STK39: variants seen among roughly 807,000 people sequenced by gnomAD.
STK39 encodes STE20/SPS1-related proline-alanine-rich protein kinase.
A neutral mutation model predicts 77.8 loss-of-function variants in STK39; 20 were observed. That is an observed-to-expected ratio of 0.26 (90% CI 0.18 to 0.37). The LOEUF is 0.37. Ranked by LOEUF, STK39 falls within the 10% of genes least tolerant of loss-of-function variation. The pLI is 1.00. For synonymous variants in STK39, 246 were observed against 234.1 expected (o/e 1.05, Z -0.47); for missense variants, 479 against 656.5 (o/e 0.73, Z 2.95).
At position 168,247,474 on chromosome 2, in the gene STK39, G is replaced by A. The variant is rs750144605; in HGVS notation, c.-39C>T. 7.7e-6 allele frequency: 10 copies of A among 1,292,028 alleles called. No individual in the cohort carries two copies. Among genetic ancestry groups the A allele is most frequent in the East Asian group, 3.8e-5 (1 of 26,032 alleles). 80.0% of individuals were successfully genotyped at this position (1,292,028 alleles called of 1,614,324 possible). On this transcript the variant is annotated 5_prime_UTR_variant, in exon 1 of 18. Transcript: ENST00000355999. ...AGAGCAGGAGGACGCGCCGGCCGAC[G>A]GACGACCTTCCACTTGAAACTTCCT...
intron 8 of STK39, among the ~76,000 whole-genome samples, chr2:168,131,502 A>G (rs894996106): frequency 3.9e-5 from 6 of 152,218 alleles, no homozygotes; most frequent in African/African-American, 1.4e-4. Flanking sequence ...AAGCATAGAA[A>G]GAATTAGAAA....
At chr2:168,187,793 T>A (rs901774753) in intron 1 of STK39, among the ~76,000 whole-genome samples, 2 of 152,302 alleles carry the variant, frequency 1.3e-5, no homozygotes, top group Admixed American at 1.3e-4. Flanking sequence ...ATCTAGTACT[T>A]TTTTTAAAAA....
At chr2:167,959,344 C>T (rs1270384902) in intron 17 of STK39, among the ~76,000 whole-genome samples, 1 of 151,232 alleles carries the variant, frequency 6.6e-6, no homozygotes, top group East Asian at 1.9e-4. Context: ...CCAGGATGGT[C>T]TCGATCTCCT....
chr2:168,126,137 C>A (rs1687535049), intron 10 of STK39, among the ~76,000 whole-genome samples: 1 of 152,078 alleles, frequency 6.6e-6, no homozygotes, highest in Non-Finnish European at 1.5e-5. Context: ...GCCCACAGGC[C>A]CAGGTATCAT....
chr2:168,217,561 C>T (rs763711685), intron 1 of STK39, among the ~76,000 whole-genome samples: 5 of 152,230 alleles, frequency 3.3e-5, no homozygotes, highest in Middle Eastern at 3.4e-3. Context: ...CCTCAGTATT[C>T]GTGGGGGATT....
At chr2:167,998,288 C>T in intron 16 of STK39, among the ~76,000 whole-genome samples, 1 of 152,188 alleles carries the variant, frequency 6.6e-6, no homozygotes, top group East Asian at 1.9e-4. Flanking sequence ...AACATGAAAC[C>T]ACTTAAATGC....
At position 168,051,240 on chromosome 2, in the gene STK39, C is replaced by T. The variant is rs184189548; in HGVS notation, c.1376+12260G>A. ...GAATGCTAAGAGCAGCAGGTTACCTCATCAGTAGCCAGGAAAGGTGGAATA... is the reference window on the plus strand; with the variant it reads ...GAATGCTAAGAGCAGCAGGTTACCTTATCAGTAGCCAGGAAAGGTGGAATA... On this transcript the variant is annotated intron_variant, in intron 14 of 17. Coordinates refer to ENST00000355999, the MANE Select transcript of STK39 (RefSeq NM_013233.3). 2.8e-3 allele frequency among the ~76,000 whole-genome samples: 424 copies of T among 152,230 alleles called. 2 individuals are homozygous for T. Among genetic ancestry groups the T allele is most frequent in the African/African-American group, 9.6e-3 (398 of 41,536 alleles).
Position 168,023,223 on chromosome 2 carries a change from A to T in STK39, c.1377-6128T>A, listed in dbSNP as rs548999075. On this transcript the variant is annotated intron_variant, in intron 14 of 17. Coordinates refer to ENST00000355999, the MANE Select transcript of STK39 (RefSeq NM_013233.3). ...GAGCCACCATGCCCAGCCTGACTTT[A>T]AAAAAATGTTTAGTAATTGATGTTC... 2.0e-5 allele frequency among the ~76,000 whole-genome samples: 3 copies of T among 152,206 alleles called. No homozygotes were observed. In the East Asian group the frequency reaches 5.8e-4, roughly 29 times the overall value.
chr2:168,174,335 C>A (rs1421651776), intron 2 of STK39, among the ~76,000 whole-genome samples: 1 of 152,136 alleles, frequency 6.6e-6, no homozygotes, highest in Non-Finnish European at 1.5e-5. Context: ...GAATGAATAT[C>A]CCAAGGCCTA....
At chr2:168,221,932 C>A (rs1200221584) in intron 1 of STK39, among the ~76,000 whole-genome samples, 1 of 152,164 alleles carries the variant, frequency 6.6e-6, no homozygotes, top group East Asian at 1.9e-4. Flanking sequence ...ATAGACTCTC[C>A]ACTCTTCCCA....
intron 17 of STK39, among the ~76,000 whole-genome samples, chr2:167,961,364 T>A (rs1197292642): frequency 1.3e-5 from 2 of 152,242 alleles, no homozygotes; most frequent in African/African-American, 2.4e-5. Context: ...CTCATGTTAA[T>A]GTGTACCAAT....
intron 10 of STK39, among the ~76,000 whole-genome samples, chr2:168,108,418 T>C (rs1343698976): frequency 6.6e-6 from 1 of 152,046 alleles, no homozygotes; most frequent in East Asian, 1.9e-4. Flanking sequence ...CGTAGTGGCA[T>C]GCACCTGTAG....
intron 16 of STK39, among the ~76,000 whole-genome samples, chr2:168,006,367 T>C (rs1684134120): frequency 6.6e-6 from 1 of 152,242 alleles, no homozygotes; most frequent in African/African-American, 2.4e-5. Flanking sequence ...CTCAAAAATT[T>C]ATATCACAAA....
intron 1 of STK39, among the ~76,000 whole-genome samples, chr2:168,193,037 T>C (rs1278447195): frequency 2.0e-5 from 3 of 152,178 alleles, no homozygotes; most frequent in African/African-American, 4.8e-5. Context: ...CTGTTCAAGA[T>C]ACAATTAGCC....
chr2:168,108,511 G>C (rs1048969136), intron 10 of STK39, among the ~76,000 whole-genome samples: 7 of 151,734 alleles, frequency 4.6e-5, no homozygotes, highest in Non-Finnish European at 1.0e-4. Flanking sequence ...CTGCACCACT[G>C]CACTCCAACC....
chr2:168,168,849 G>A (rs1688752902), intron 2 of STK39, among the ~76,000 whole-genome samples: 1 of 152,104 alleles, frequency 6.6e-6, no homozygotes, highest in Admixed American at 6.6e-5. Context: ...TGAGTGTGGT[G>A]GTGTGCGCCT....
chr2:167,990,273 G>A (rs1683667983), intron 16 of STK39, among the ~76,000 whole-genome samples: 1 of 152,142 alleles, frequency 6.6e-6, no homozygotes. Context: ...ACAACCAAAT[G>A]ACATTTTGGC....
chr2:168,029,778 A>G (rs1432200162), intron 14 of STK39, among the ~76,000 whole-genome samples: 4 of 152,184 alleles, frequency 2.6e-5, no homozygotes, highest in African/African-American at 7.2e-5. Flanking sequence ...TAGCTAAACC[A>G]TCTGTAGGAA....
intron 1 of STK39, among the ~76,000 whole-genome samples, chr2:168,201,480 T>C (rs1001741991): frequency 2.6e-5 from 4 of 152,204 alleles, no homozygotes; most frequent in Non-Finnish European, 4.4e-5. Context: ...GCTCTGGCCA[T>C]CATGGGTCAG....
Sources: allele counts gnomAD v4.1 joint callset (sites outside exome capture counted in the v4.1 genomes callset), GRCh38; gene constraint gnomAD v4.1.1; transcripts MANE v1.5; gene names NCBI Gene and HGNC (gene_info 2026-07-23, HGNC 2026-07-21).